The following SERPING1 variants were observed in gnomAD, a reference collection of about 807,000 sequenced individuals.
SERPING1 encodes the protein serpin family G member 1.
Under a neutral mutation model 34.1 loss-of-function variants are expected in SERPING1, and 5 were observed. That is an observed-to-expected ratio of 0.15 (90% CI 0.08 to 0.31). The LOEUF is 0.31. Ranked by LOEUF, SERPING1 falls within the 10% of genes least tolerant of loss-of-function variation. The pLI is 1.00. For missense variants in SERPING1, 505 were observed against 609.5 expected, an observed-to-expected ratio of 0.83 and a Z score of 1.81; for synonymous variants, 225 against 242.4, an observed-to-expected ratio of 0.93 and a Z score of 0.67.
chr11:57,602,012 T>G, intron 3 of SERPING1, 23 bp from the exon 4 acceptor site: 3 of 1,614,072 alleles, frequency 1.9e-6, no homozygotes, highest in Non-Finnish European at 2.5e-6. Flanking sequence ...GCAAGTATCT[T>G]TCATCTCTGC....
At chr11:57,605,321 C>G (rs1466621312) in intron 4 of SERPING1, among the ~76,000 whole-genome samples, 1 of 149,696 alleles carries the variant, frequency 6.7e-6, no homozygotes, top group Non-Finnish European at 1.5e-5. Flanking sequence ...TTTTTTGAGA[C>G]AGAATCTCGC....
At chr11:57,612,017 A>T in intron 7 of SERPING1, 81 bp downstream of exon 7, 1 of 1,212,664 alleles carries the variant, frequency 8.2e-7, no homozygotes, top group Non-Finnish European at 1.2e-6. Flanking sequence ...AGCATTCTCT[A>T]GAGTATTTTT....
chr11:57,598,472 A>C (rs886513585), intron 2 of SERPING1, 151 bp downstream of exon 2: 1 of 757,400 alleles, frequency 1.3e-6, no homozygotes, highest in African/African-American at 1.7e-5. Context: ...TTGCACACGC[A>C]CTCGTAGATG....
chr11:57,611,946 G>C lies in SERPING1; in HGVS notation c.1249+10G>C. Reference sequence around the variant, plus strand: ...ATCATGGAGAAATTGGGTGAGCTCTGGCAGCTTAGGGTTACTCCCAGGCCA... The same window carrying C: ...ATCATGGAGAAATTGGGTGAGCTCTCGCAGCTTAGGGTTACTCCCAGGCCA... On this transcript the variant is annotated intron_variant, in intron 7 of 7. Transcript: ENST00000278407. 1 of 1,608,226 alleles carries C rather than the reference G, an allele frequency of 6.2e-7. No homozygotes were observed. The highest frequency in any genetic ancestry group is 8.5e-7 in the Non-Finnish European group (1 of 1,175,170).
chr11:57,601,998 T>C (rs201298752), intron 3 of SERPING1, 37 bp from the exon 4 acceptor site: 2 of 1,603,880 alleles, frequency 1.2e-6, no homozygotes, highest in East Asian at 2.3e-5. Context: ...CCCCGACTCA[T>C]CCTGCAAGTA....
chr11:57,610,638 T>C (rs1224991033), intron 6 of SERPING1, among the ~76,000 whole-genome samples: 2 of 152,252 alleles, frequency 1.3e-5, no homozygotes, highest in Non-Finnish European at 2.9e-5. Context: ...CAGTCTCATA[T>C]CCTATTAGAC....
At chr11:57,598,089 A>T (rs1024704974) in intron 1 of SERPING1, 160 bp from the exon 2 acceptor site, 5 of 593,910 alleles carry the variant, frequency 8.4e-6, no homozygotes, top group Non-Finnish European at 1.5e-5. Context: ...AAAACAAAAC[A>T]GAGGGAGGAG....
rs1945357068 is a variant in SERPING1, at chr11:57,602,276, A to G, written c.685+107A>G. On this transcript the variant is annotated intron_variant, in intron 4 of 7. Transcript: ENST00000278407. Reference sequence around the variant, plus strand: ...AGGACAGAGGGAATGTTGGAGCTACAGTATCAGGGATGGACTGCAGAGCAG... The same window carrying G: ...AGGACAGAGGGAATGTTGGAGCTACGGTATCAGGGATGGACTGCAGAGCAG... 5 of 1,344,114 alleles carry G rather than the reference A, an allele frequency of 3.7e-6. No homozygotes were observed. The Admixed American group carries it at 8.5e-5, about 23-fold the overall frequency. The allele number at this position is 1,344,114 out of a possible 1,614,324, so 83.3% of individuals were successfully genotyped here.
Position 57,600,241 on chromosome 11 carries a change from A to G in SERPING1, c.414A>G (p.Thr138=). 2 of 1,614,134 alleles carry G rather than the reference A, an allele frequency of 1.2e-6. No homozygotes were observed. The highest frequency in any genetic ancestry group is 1.7e-6 in the Non-Finnish European group (2 of 1,180,026). ...GCTCTGACTTGGAGAGTCATTCAAC[A>G]GAGGCCGTGTTGGGGGATGCTTTGG... ...TLCSDLESHS[T]EAVLGDALVD... is the part of the protein sequence containing the mutation. Residue 138 remains threonine (T), a synonymous_variant, in exon 3 of 8, where the codon ACA becomes ACG. Transcript: ENST00000278407.
In SERPING1 at chr11:57,614,689, G is replaced by C; in HGVS notation, c.*108G>C. 1 of 1,351,194 alleles carries C rather than the reference G, an allele frequency of 7.4e-7. No individual in the cohort carries two copies. Among genetic ancestry groups the C allele is most frequent in the Admixed American group, 2.1e-5 (1 of 48,560 alleles). The allele number at this position is 1,351,194 out of a possible 1,614,324, so 83.7% of individuals were successfully genotyped here. ...TGGCCCCTGCCACCTCCTGCCTCAG[G>C]TGTCCGCTATCCACCAAAAGGGCTC... is the stretch of plus-strand genomic sequence containing the variant. On this transcript the variant is annotated 3_prime_UTR_variant, in exon 8 of 8. Coordinates refer to ENST00000278407, the MANE Select transcript of SERPING1 (RefSeq NM_000062.3).
At chr11:57,605,153 T>C (rs1945394575) in intron 4 of SERPING1, among the ~76,000 whole-genome samples, 1 of 152,174 alleles carries the variant, frequency 6.6e-6, no homozygotes. Context: ...AAGTCAGCTT[T>C]ATCCGCTGTC....
At chr11:57,599,757 C>A in intron 2 of SERPING1, 122 bp from the exon 3 acceptor site, 3 of 1,405,772 alleles carry the variant, frequency 2.1e-6, no homozygotes, top group South Asian at 1.2e-5. Context: ...GCCGCACTGT[C>A]AGAAATTACT....
chr11:57,614,589 A>G lies in SERPING1; in HGVS notation c.*8A>G. ...TATGACCCCAGGGCCTGAGACCTGC[A>G]GGATCAGGTTAGGGCGAGCGCTACC... On this transcript the variant is annotated 3_prime_UTR_variant, in exon 8 of 8. Coordinates refer to ENST00000278407, the MANE Select transcript of SERPING1 (RefSeq NM_000062.3). 2 of 1,613,128 alleles carry G rather than the reference A, an allele frequency of 1.2e-6. No homozygotes were observed. Among genetic ancestry groups the G allele is most frequent in the Non-Finnish European group, 1.7e-6 (2 of 1,179,960 alleles).
At position 57,608,340 on chromosome 11, in the gene SERPING1, C is replaced by CA. The variant is rs1311451322; in HGVS notation, c.1029+1798dup. 3.3e-5 allele frequency among the ~76,000 whole-genome samples: 5 copies of CA among 151,978 alleles called. No individual in the cohort carries two copies. The East Asian group carries it at 5.8e-4, about 18-fold the overall frequency. ...TAAAGTTTCACACAAAACTCTAAACCAAAAATCATTGTAAAAATCCCTTGG... is the reference window on the plus strand; with the variant it reads ...TAAAGTTTCACACAAAACTCTAAACCAAAAAATCATTGTAAAAATCCCTTGG... On this transcript the variant is annotated intron_variant, in intron 6 of 7. Transcript: ENST00000278407.
Position 57,611,890 on chromosome 11 carries a change from C to T in SERPING1, c.1203C>T (p.Ile401=). 1 of 1,614,152 alleles carries T rather than the reference C, an allele frequency of 6.2e-7. No individual in the cohort carries two copies. The change falls in exon 7 of 8, where the codon ATC becomes ATT. Residue 401 remains isoleucine (I), a synonymous_variant. Transcript: ENST00000278407. ...CCACTCTCCTAACACTACCCCGCAT[C>T]AAAGTGACGACCAGCCAGGATATGC... The part of the protein sequence containing the change: ...FQPTLLTLPR[I]KVTTSQDMLS...
rs766457677 is a variant in SERPING1 at position 57,599,908 on chromosome 11, C to T, written c.81C>T (p.Thr27=). 6.2e-7 allele frequency: 1 copy of T among 1,614,192 alleles called. No individual in the cohort carries two copies. Among genetic ancestry groups the T allele is most frequent in the Non-Finnish European group, 8.5e-7 (1 of 1,180,040 alleles). ...GAGCCTCCTCAAATCCAAATGCTAC[C>T]AGCTCCAGCTCCCAGGATCCAGAGA... is the stretch of plus-strand genomic sequence containing the variant. ...GDRASSNPNA[T]SSSSQDPESL... Residue 27 remains threonine (T), a synonymous_variant, in exon 3 of 8, where the codon ACC becomes ACT. Transcript: ENST00000278407.
chr11:57,611,690 T>C, intron 6 of SERPING1, 27 bp from the exon 7 acceptor site: 1 of 1,595,636 alleles, frequency 6.3e-7, no homozygotes, highest in Admixed American at 1.7e-5. Flanking sequence ...GTAGGAAGAC[T>C]GTTAAGATGC....
chr11:57,600,259 T>A lies in SERPING1; in HGVS notation c.432T>A (p.Asp144Glu), dbSNP rs1271564689. The A allele has an allele frequency of 6.2e-7, 1 of 1,614,182 alleles. No homozygotes were observed. The highest frequency in any genetic ancestry group is 1.1e-5 in the South Asian group (1 of 91,080). ...ATTCAACAGAGGCCGTGTTGGGGGA[T>A]GCTTTGGTAGATTTCTCCCTGAAGC... is the stretch of plus-strand genomic sequence containing the variant. Reference protein sequence around the residue: ...ESHSTEAVLGDALVDFSLKLY... With the variant: ...ESHSTEAVLGEALVDFSLKLY... Residue 144 changes from aspartate (D) to glutamate (E), a missense_variant, in exon 3 of 8, where the codon GAT becomes GAA. By Grantham distance (45) the Asp-to-Glu change is conservative (BLOSUM62 2). Coordinates refer to ENST00000278407, the MANE Select transcript of SERPING1 (RefSeq NM_000062.3).
chr11:57,606,898 G>C, intron 6 of SERPING1: 1 of 541,578 alleles, frequency 1.8e-6, no homozygotes, highest in Non-Finnish European at 3.5e-6. Flanking sequence ...GTGGGTACCT[G>C]TGTACAGCAT....
Sources: allele counts gnomAD v4.1 joint callset (sites outside exome capture counted in the v4.1 genomes callset), GRCh38; gene constraint gnomAD v4.1.1; transcripts MANE v1.5; gene names NCBI Gene and HGNC (gene_info 2026-07-23, HGNC 2026-07-21).